Variants in ZFP57 observed in about 807,000 individuals in gnomAD.
ZFP57 encodes ZFP57 zinc finger protein, also known as zinc finger protein 57 homolog.
A neutral mutation model predicts 15.8 loss-of-function variants in ZFP57; 12 were observed. The observed-to-expected ratio is 0.76, with a 90% CI of 0.49 to 1.23. The LOEUF is 1.23. Ranked by LOEUF, ZFP57 falls within the 50% of genes most tolerant of loss-of-function variation. The probability of loss-of-function intolerance (pLI) is 0.00; values close to 1 mark genes in which losing one functional copy is unlikely to be tolerated. For missense variants in ZFP57, 536 were observed against 654.9 expected, an observed-to-expected ratio of 0.82 and a Z score of 1.98; for synonymous variants, 203 against 242.3, an observed-to-expected ratio of 0.84 and a Z score of 1.51.
intron 4 of ZFP57, among the ~76,000 whole-genome samples, chr6:29,674,230 AGAC>A (rs111599953): frequency 2.0e-5 from 3 of 151,764 alleles, no homozygotes; most frequent in South Asian, 2.1e-4. Context: ...AAGAAGACGA[AGAC>A]GAAGAAGAAG....
rs1771713359 is a variant in ZFP57, at chr6:29,672,530, CTTTGT to C, written c.1576_1580del (p.Thr526GlyfsTer9). On this transcript the variant is annotated frameshift_variant, in exon 5 of 5. Coordinates refer to ENST00000376883, the MANE Select transcript of ZFP57 (RefSeq NM_001109809.5). LOFTEE classifies it low-confidence loss of function (END_TRUNC). ...TATGTTTCAAGATGCTCACTGCCTC[CTTTGT>C]TTTGTCTCCTTTGCAGGCCTTCTCT... 1.2e-6 allele frequency: 2 copies of C among 1,612,840 alleles called. No homozygotes were observed. Among genetic ancestry groups the C allele is most frequent in the Non-Finnish European group, 1.7e-6 (2 of 1,180,022 alleles).
intron 3 of ZFP57, among the ~76,000 whole-genome samples, chr6:29,675,703 G>C (rs1772033549): frequency 1.3e-5 from 2 of 152,166 alleles, no homozygotes; most frequent in Admixed American, 1.3e-4. Context: ...GGAAAAATTT[G>C]CATATTTTGA....
Position 29,677,316 on chromosome 6 carries a change from C to T in ZFP57, c.-313G>A. 1 of 453,636 alleles carries T rather than the reference C, an allele frequency of 2.2e-6. No individual in the cohort carries two copies. The allele number at this position is 453,636 out of a possible 1,614,324, so 28.1% of individuals were successfully genotyped here. Reference sequence around the variant, plus strand: ...ACCAGCTGCCATTGTTTAGTAACAACACCAGCCTGGGCTAGGTGTCTGCCG... The same window carrying T: ...ACCAGCTGCCATTGTTTAGTAACAATACCAGCCTGGGCTAGGTGTCTGCCG... On this transcript the variant is annotated 5_prime_UTR_variant, in exon 2 of 5. Coordinates refer to ENST00000376883, the MANE Select transcript of ZFP57 (RefSeq NM_001109809.5).
At chr6:29,675,552 G>A in intron 3 of ZFP57, 65 bp from the exon 4 acceptor site, 1 of 1,254,656 alleles carries the variant, frequency 8.0e-7, no homozygotes, top group Non-Finnish European at 1.2e-6. Context: ...ATCTGATGGG[G>A]ACAACAGGCT....
intron 3 of ZFP57, 131 bp from the exon 4 acceptor site, chr6:29,675,618 G>C (rs1772031168): frequency 3.5e-6 from 3 of 846,472 alleles, no homozygotes; most frequent in Admixed American, 3.6e-5. Flanking sequence ...ATGCGGAAAG[G>C]AGACATTAAA....
intron 1 of ZFP57, among the ~76,000 whole-genome samples, chr6:29,678,198 C>T (rs930503354): frequency 6.6e-6 from 1 of 152,028 alleles, no homozygotes; most frequent in Non-Finnish European, 1.5e-5. Flanking sequence ...AGCGAGACTC[C>T]GTCTCAAAAA....
chr6:29,679,032 A>G (rs1772204880), intron 1 of ZFP57, among the ~76,000 whole-genome samples: 1 of 143,442 alleles, frequency 7.0e-6, no homozygotes, highest in Admixed American at 7.1e-5. Flanking sequence ...GCCTCAAACA[A>G]CAACAAAAAC....
At chr6:29,674,233 CGAAGAA>C (rs1252222914) in intron 4 of ZFP57, among the ~76,000 whole-genome samples, 1 of 121,482 alleles carries the variant, frequency 8.2e-6, no homozygotes, top group Non-Finnish European at 1.8e-5. Context: ...AAGACGAAGA[CGAAGAA>C]GAAGAAGAAG....
intron 1 of ZFP57, among the ~76,000 whole-genome samples, 180 bp downstream of exon 1, chr6:29,680,882 G>C (rs926329102): frequency 6.6e-6 from 1 of 152,058 alleles, no homozygotes; most frequent in Non-Finnish European, 1.5e-5. Flanking sequence ...AGTGGACAGG[G>C]CACCTGGATA....
At chr6:29,676,124 G>A in intron 2 of ZFP57, 65 bp from the exon 3 acceptor site, 2 of 1,453,600 alleles carry the variant, frequency 1.4e-6, no homozygotes, top group Non-Finnish European at 1.9e-6. Flanking sequence ...GTGTGTGTGT[G>A]TACAAGATTA....
chr6:29,675,830 G>A, intron 3 of ZFP57, 103 bp downstream of exon 3: 6 of 1,420,610 alleles, frequency 4.2e-6, no homozygotes, highest in Non-Finnish European at 6.0e-6. Flanking sequence ...ATAGAACCAG[G>A]GGTCAGTGAA....
Position 29,672,597 on chromosome 6 carries a change from G to T in ZFP57, c.1514C>A (p.Pro505His). The change falls in exon 5 of 5, where the codon CCC (proline) becomes CAC (histidine). Residue 505 changes from proline (P) to histidine (H), a missense_variant. By Grantham distance (77) the Pro-to-His change is moderately conservative. Coordinates refer to ENST00000376883, the MANE Select transcript of ZFP57 (RefSeq NM_001109809.5). ...EEWKHGGDQS[P>H]PRIHTPRRRG... ...TCTCCTGGGGGTATGGATCCTGGGG[G>T]GAGATTGATCACCTCCATGCTTCCA... 2 of 1,612,232 alleles carry T rather than the reference G, an allele frequency of 1.2e-6. No individual in the cohort carries two copies. Among genetic ancestry groups the T allele is most frequent in the Non-Finnish European group, 1.7e-6 (2 of 1,179,452 alleles).
At chr6:29,676,117 T>TGTGTGTGTGTGTGTGTGTGTGA in intron 2 of ZFP57, 58 bp from the exon 3 acceptor site, 1 of 1,505,904 alleles carries the variant, frequency 6.6e-7, no homozygotes, top group Non-Finnish European at 9.2e-7. Flanking sequence ...TGTGTGTGTG[T>TGTGTGTGTGTGTGTGTGTGTGA]GTGTGTGTAC....
intron 3 of ZFP57, 96 bp from the exon 4 acceptor site, chr6:29,675,583 A>G (rs1772029558): frequency 4.9e-6 from 5 of 1,025,174 alleles, no homozygotes; most frequent in Non-Finnish European, 6.2e-6. Flanking sequence ...GCCTTTGTTT[A>G]AGAACCATAA....
rs184974475 is a variant in ZFP57, at chr6:29,672,639, G to C, written c.1472C>G (p.Thr491Ser). ...QWLGFSHDVP[T>S]MAGEEWKHGG... ...ATGCTTCCATTCCTCCCCAGCCATA[G>C]TGGGGACATCATGAGAGAAGCCAAG... Residue 491 changes from threonine to serine, a missense_variant, in exon 5 of 5, where the codon ACT (threonine) becomes AGT (serine). Physicochemically the swap from Thr to Ser is moderately conservative, Grantham distance 58 (BLOSUM62 1). Transcript: ENST00000376883. The C allele has an allele frequency of 1.3e-3, 2,169 of 1,611,308 alleles. 13 individuals carry two copies. Among genetic ancestry groups the C allele is most frequent in the Middle Eastern group, 0.012 (72 of 6,056 alleles).
intron 1 of ZFP57, among the ~76,000 whole-genome samples, chr6:29,679,267 A>G (rs946729044): frequency 3.3e-5 from 5 of 152,160 alleles, no homozygotes; most frequent in Admixed American, 1.3e-4. Context: ...ACTCACCCAC[A>G]TCTCCCTTAC....
chr6:29,678,116 A>C (rs1244520197), intron 1 of ZFP57, among the ~76,000 whole-genome samples: 1 of 152,228 alleles, frequency 6.6e-6, no homozygotes, highest in Non-Finnish European at 1.5e-5. Context: ...AGGCAGGAGA[A>C]TCACTTGAAC....
At chr6:29,674,156 GAGAAGAGAAGGAGA>G (rs1403859587) in intron 4 of ZFP57, among the ~76,000 whole-genome samples, 3 of 143,618 alleles carry the variant, frequency 2.1e-5, no homozygotes, top group Admixed American at 1.4e-4. Context: ...GAAGGAGAAG[GAGAAGAGAAGGAGA>G]AGAAGAAGAA....
chr6:29,675,965 A>T lies in ZFP57; in HGVS notation c.218T>A (p.Met73Lys). ...TGTTAGATTCTTAAAGGTTTCCGAC[A>T]TAACATCCTGGTAAAGGACCCTCTG... ...ASQRVLYQDV[M>K]SETFKNLTSV... Residue 73 changes from methionine (M) to lysine (K), a missense_variant, in exon 3 of 5, where the codon ATG (methionine) becomes AAG (lysine). By Grantham distance (95) the Met-to-Lys change is moderately conservative (BLOSUM62 -1). Transcript: ENST00000376883. The T allele has an allele frequency of 6.2e-7, 1 of 1,613,404 alleles. No individual in the cohort carries two copies. Among genetic ancestry groups the T allele is most frequent in the Non-Finnish European group, 8.5e-7 (1 of 1,180,036 alleles).
Sources: allele counts gnomAD v4.1 joint callset (sites outside exome capture counted in the v4.1 genomes callset), GRCh38; gene constraint gnomAD v4.1.1; transcripts MANE v1.5; gene names NCBI Gene and HGNC (gene_info 2026-07-23, HGNC 2026-07-21).